Variants in MMP16 observed in about 807,000 individuals in gnomAD.
MMP16 encodes the protein matrix metallopeptidase 16.
A neutral mutation model predicts 67.8 loss-of-function variants in MMP16; 12 were observed. The ratio of observed to expected loss-of-function variants is 0.18; its 90% CI spans 0.11 to 0.29. MMP16 has a LOEUF of 0.29. Ranked by LOEUF, MMP16 falls within the 10% of genes least tolerant of loss-of-function variation. MMP16 has a pLI of 1.00. For missense variants in MMP16, 475 were observed against 765.7 expected (o/e 0.62, Z 4.48); for synonymous variants, 249 against 255.9 (o/e 0.97, Z 0.26).
At chr8:88,262,031 C>G (rs952993058) in intron 1 of MMP16, among the ~76,000 whole-genome samples, 3 of 152,148 alleles carry the variant, frequency 2.0e-5, no homozygotes, top group African/African-American at 7.2e-5. Flanking sequence ...TATGATCTCT[C>G]TAGTTCTACA....
chr8:88,051,725 T>G (rs1251740931), intron 8 of MMP16, among the ~76,000 whole-genome samples: 4 of 152,278 alleles, frequency 2.6e-5, no homozygotes, highest in African/African-American at 9.6e-5. Context: ...ATTAAGAAAA[T>G]AAAGTAGGTC....
chr8:88,114,497 C>T (rs552316718), intron 6 of MMP16, among the ~76,000 whole-genome samples: 10 of 152,016 alleles, frequency 6.6e-5, no homozygotes, highest in Non-Finnish European at 1.3e-4. Flanking sequence ...ATGAGCTGTG[C>T]AGACAGGATG....
intron 1 of MMP16, among the ~76,000 whole-genome samples, chr8:88,201,200 A>G (rs1809339636): frequency 6.6e-6 from 1 of 151,222 alleles, no homozygotes; most frequent in African/African-American, 2.4e-5. Flanking sequence ...TAAACTACTG[A>G]ATATATTAGG....
At chr8:88,227,200 T>TG (rs1292848388) in intron 1 of MMP16, among the ~76,000 whole-genome samples, 1 of 151,972 alleles carries the variant, frequency 6.6e-6, no homozygotes, top group East Asian at 1.9e-4. Flanking sequence ...GGTTAAATCT[T>TG]GGGGGGAAAG....
chr8:88,113,439 A>T lies in MMP16; in HGVS notation c.1083+3068T>A, dbSNP rs115309764. 2.6e-3 allele frequency among the ~76,000 whole-genome samples: 402 copies of T among 151,984 alleles called. 2 individuals are homozygous for T. The highest frequency in any genetic ancestry group is 8.9e-3 in the African/African-American group (371 of 41,538). On this transcript the variant is annotated intron_variant, in intron 6 of 9. Coordinates refer to ENST00000286614, the MANE Select transcript of MMP16 (RefSeq NM_005941.5). ...TGTAGAGTTTGTAATAAACGAAAGTAGAAAATCAACTTTTATTAATAAGAG... is the reference window on the plus strand; with the variant it reads ...TGTAGAGTTTGTAATAAACGAAAGTTGAAAATCAACTTTTATTAATAAGAG...
intron 6 of MMP16, among the ~76,000 whole-genome samples, chr8:88,114,433 T>C (rs966709338): frequency 6.6e-6 from 1 of 151,982 alleles, no homozygotes; most frequent in African/African-American, 2.4e-5. Flanking sequence ...GTCATTACTT[T>C]TACTCTTACG....
At chr8:88,123,798 A>C (rs1332355059) in intron 4 of MMP16, among the ~76,000 whole-genome samples, 1 of 151,764 alleles carries the variant, frequency 6.6e-6, no homozygotes, top group African/African-American at 2.4e-5. Flanking sequence ...AAGCTGAGAG[A>C]AGCTGATCTT....
At chr8:88,304,978 C>A (rs1361092148) in intron 1 of MMP16, among the ~76,000 whole-genome samples, 1 of 152,048 alleles carries the variant, frequency 6.6e-6, no homozygotes, top group East Asian at 1.9e-4. Flanking sequence ...GGACTACATG[C>A]CCCCAATTAA....
chr8:88,106,117 C>T (rs2118395682), intron 6 of MMP16, among the ~76,000 whole-genome samples: 2 of 150,094 alleles, frequency 1.3e-5, no homozygotes, highest in Middle Eastern at 6.8e-3. Context: ...TTGTAGATTT[C>T]ACTTTCTCTC....
intron 9 of MMP16, among the ~76,000 whole-genome samples, chr8:88,043,602 T>C (rs1448063649): frequency 6.6e-6 from 1 of 152,198 alleles, no homozygotes; most frequent in African/African-American, 2.4e-5. Context: ...TGAAGAACTC[T>C]GACATCTCTC....
At chr8:88,261,793 A>ACACACACACACAC (rs10685077) in intron 1 of MMP16, among the ~76,000 whole-genome samples, 1 of 151,056 alleles carries the variant, frequency 6.6e-6, no homozygotes, top group Non-Finnish European at 1.5e-5. Context: ...ACACACACAC[A>ACACACACACACAC]ACCATATAAC....
At chr8:88,158,863 C>T (rs1351135348) in intron 4 of MMP16, among the ~76,000 whole-genome samples, 3 of 152,126 alleles carry the variant, frequency 2.0e-5, no homozygotes, top group Admixed American at 2.0e-4. Context: ...GGAAGGGATC[C>T]AGTTTCAGCT....
chr8:88,188,580 G>A (rs531311726), intron 2 of MMP16, among the ~76,000 whole-genome samples: 6 of 151,996 alleles, frequency 3.9e-5, no homozygotes, highest in Non-Finnish European at 7.4e-5. Context: ...GAAAAATGAA[G>A]GCAGTAATGT....
At chr8:88,069,531 G>A (rs1317328332) in intron 7 of MMP16, 1 of 524,272 alleles carries the variant, frequency 1.9e-6, no homozygotes, top group Admixed American at 2.0e-5. Flanking sequence ...CACTGCAAAG[G>A]AAAGGTTTGT....
intron 3 of MMP16, among the ~76,000 whole-genome samples, chr8:88,178,071 C>T (rs1287220396): frequency 3.3e-5 from 5 of 151,796 alleles, no homozygotes; most frequent in Non-Finnish European, 5.9e-5. Context: ...CAACCTAACC[C>T]CTAACTAGAT....
chr8:88,183,627 A>G (rs999013749), intron 3 of MMP16, among the ~76,000 whole-genome samples: 1 of 151,646 alleles, frequency 6.6e-6, no homozygotes, highest in Admixed American at 6.6e-5. Flanking sequence ...TAAAGATTTT[A>G]CCAACCTTTT....
intron 7 of MMP16, among the ~76,000 whole-genome samples, chr8:88,063,605 C>G (rs1808428769): frequency 6.6e-6 from 1 of 151,234 alleles, no homozygotes; most frequent in South Asian, 2.1e-4. Context: ...TTCAGATGTA[C>G]CGGATCAGAA....
intron 1 of MMP16, among the ~76,000 whole-genome samples, chr8:88,209,309 C>T (rs1331282486): frequency 2.0e-5 from 3 of 151,914 alleles, no homozygotes; most frequent in Non-Finnish European, 2.9e-5. Context: ...ATGAAGAGGA[C>T]GAAGACCTTT....
chr8:88,190,752 C>A (rs1041441859), intron 2 of MMP16, among the ~76,000 whole-genome samples: 1 of 152,096 alleles, frequency 6.6e-6, no homozygotes, highest in African/African-American at 2.4e-5. Context: ...TAGCTTATTA[C>A]CAACTGGCAA....
Sources: gnomAD v4.1 joint callset for allele counts (sites outside exome capture counted in the v4.1 genomes callset) on GRCh38, gnomAD v4.1.1 for gene constraint, MANE v1.5 for transcripts, NCBI Gene and HGNC (gene_info 2026-07-23, HGNC 2026-07-21) for gene names.